Variants in RARB observed in about 807,000 individuals in gnomAD.
RARB encodes the protein retinoic acid receptor beta.
RARB carries 17 observed loss-of-function variants against 51.9 expected under a neutral mutation model. The ratio of observed to expected loss-of-function variants is 0.33; its 90% confidence interval spans 0.22 to 0.49. The LOEUF (loss-of-function observed/expected upper bound fraction) is 0.49. Among genes scored for constraint, RARB ranks in the 20% least tolerant of loss-of-function variants. RARB has a pLI of 0.99. For synonymous variants in RARB, 215 were observed against 195.4 expected (o/e 1.10, Z -0.84); for missense variants, 369 against 550.8 (o/e 0.67, Z 3.30).
intron 1 of RARB, among the ~76,000 whole-genome samples, chr3:25,450,259 T>A (rs1175980172): frequency 6.6e-6 from 1 of 152,250 alleles, no homozygotes; most frequent in Non-Finnish European, 1.5e-5. Context: ...GATACGGACT[T>A]AATCCACTTT....
intron 2 of RARB, among the ~76,000 whole-genome samples, chr3:25,497,573 C>T (rs1697106196): frequency 6.6e-6 from 1 of 152,188 alleles, no homozygotes; most frequent in Non-Finnish European, 1.5e-5. Flanking sequence ...AGAGGACCTT[C>T]CAAGTAAACT....
intron 3 of RARB, among the ~76,000 whole-genome samples, chr3:25,532,796 A>G (rs1698980799): frequency 1.3e-5 from 2 of 152,240 alleles, no homozygotes; most frequent in Admixed American, 1.3e-4. Context: ...AGAGTGGCTC[A>G]GACACCGAGC....
chr3:25,046,620 A>C (rs1485078141), intron 2 of RARB, among the ~76,000 whole-genome samples: 1 of 151,596 alleles, frequency 6.6e-6, no homozygotes, highest in Non-Finnish European at 1.5e-5. Context: ...TGCTCAGCTA[A>C]TTTTTGTATT....
At chr3:25,496,832 C>T (rs1023982614) in intron 2 of RARB, among the ~76,000 whole-genome samples, 7 of 152,132 alleles carry the variant, frequency 4.6e-5, no homozygotes, top group Non-Finnish European at 5.9e-5. Context: ...AGTACCATTA[C>T]GGTGTCAGCA....
intron 2 of RARB, among the ~76,000 whole-genome samples, chr3:25,493,728 C>T (rs1455770946): frequency 6.6e-6 from 1 of 152,134 alleles, no homozygotes; most frequent in Non-Finnish European, 1.5e-5. Flanking sequence ...CTTTCCACAC[C>T]ACTTTTTGGG....
chr3:25,233,779 T>A (rs1212021534), intron 5 of RARB, among the ~76,000 whole-genome samples: 2 of 150,728 alleles, frequency 1.3e-5, no homozygotes, highest in East Asian at 1.9e-4. Flanking sequence ...TTTTTTTTTT[T>A]AATCATGAAT....
intron 4 of RARB, among the ~76,000 whole-genome samples, chr3:25,156,320 C>T (rs1700373009): frequency 6.6e-6 from 1 of 152,080 alleles, no homozygotes; most frequent in South Asian, 2.1e-4. Context: ...CATTTCTATG[C>T]CAATGTGCTA....
chr3:24,979,896 T>C (rs1696605696), intron 2 of RARB, among the ~76,000 whole-genome samples: 1 of 152,228 alleles, frequency 6.6e-6, no homozygotes, highest in Non-Finnish European at 1.5e-5. Context: ...TGGCATGTTT[T>C]TGCAGTAGCT....
chr3:24,897,656 C>T (rs17015422), intron 2 of RARB, among the ~76,000 whole-genome samples: 2,465 of 151,992 alleles, frequency 0.016, 47 homozygotes, highest in East Asian at 0.1. Flanking sequence ...TTTTCTAGGC[C>T]TTCCATTCCT....
intron 2 of RARB, among the ~76,000 whole-genome samples, chr3:24,898,210 G>T (rs1388666267): frequency 1.3e-5 from 2 of 152,012 alleles, no homozygotes; most frequent in Non-Finnish European, 2.9e-5. Context: ...TTAGGGCATT[G>T]CTTTCTCTCA....
At position 24,957,522 on chromosome 3, in the gene RARB, A is replaced by G. The variant is rs548694858; in HGVS notation, c.-380+98770A>G. On this transcript the variant is annotated intron_variant, in intron 2 of 11. Coordinates refer to the RARB transcript ENST00000383772. ...CAAAGAAAAAGATCCAGTGTACACA[A>G]CCAGAATTGTGAAGAAGAAGAAAAG... is the stretch of plus-strand genomic sequence containing the variant. Among the ~76,000 whole-genome samples, 82 of 152,334 alleles carry G rather than the reference A, an allele frequency of 5.4e-4. 2 individuals are homozygous for G. The South Asian group carries it at 9.1e-3, about 17-fold the overall frequency.
intron 1 of RARB, among the ~76,000 whole-genome samples, chr3:25,434,647 T>G (rs1708355412): frequency 6.6e-6 from 1 of 151,680 alleles, no homozygotes; most frequent in African/African-American, 2.4e-5. Context: ...ATTCAAGTGA[T>G]TCTCCTGCCT....
rs35199932 is a variant in RARB, at chr3:25,556,007, A to ATT, written c.449-13741_449-13740dup. Among the ~76,000 whole-genome samples, 730 of 149,068 alleles carry ATT rather than the reference A, an allele frequency of 4.9e-3. 5 individuals carry two copies. Among genetic ancestry groups the ATT allele is most frequent in the African/African-American group, 0.012 (476 of 40,770 alleles). ...GTATGTTGTTTCTTGGACATCTTGT[A>ATT]TTTTTTTTTTTGACCCCTTAGCAGA... is the stretch of plus-strand genomic sequence containing the variant. On this transcript the variant is annotated intron_variant, in intron 3 of 7. Coordinates refer to ENST00000330688, the MANE Select transcript of RARB (RefSeq NM_000965.5).
At chr3:25,033,807 A>C (rs1292893010) in intron 2 of RARB, among the ~76,000 whole-genome samples, 1 of 152,190 alleles carries the variant, frequency 6.6e-6, no homozygotes, top group Non-Finnish European at 1.5e-5. Flanking sequence ...GGCACAGTAG[A>C]AAATACCGTA....
chr3:24,845,856 T>C (rs1338832018), intron 1 of RARB, among the ~76,000 whole-genome samples: 1 of 152,020 alleles, frequency 6.6e-6, no homozygotes, highest in East Asian at 1.9e-4. Flanking sequence ...TCTCACAAGG[T>C]TGTTGTGAGA....
At chr3:24,846,565 G>A (rs1219702609) in intron 1 of RARB, among the ~76,000 whole-genome samples, 1 of 152,164 alleles carries the variant, frequency 6.6e-6, no homozygotes, top group East Asian at 1.9e-4. Context: ...TTTCCTATGA[G>A]GTATGGCCAA....
At chr3:25,500,801 A>C (rs1248342305) in intron 2 of RARB, among the ~76,000 whole-genome samples, 3 of 152,026 alleles carry the variant, frequency 2.0e-5, no homozygotes, top group African/African-American at 7.3e-5. Flanking sequence ...TATTGGGTAA[A>C]AATCCTCATA....
chr3:25,572,945 C>T (rs1700764941), intron 4 of RARB, among the ~76,000 whole-genome samples: 1 of 152,134 alleles, frequency 6.6e-6, no homozygotes, highest in Non-Finnish European at 1.5e-5. Context: ...ATTTGCCGCT[C>T]CTGGAACATG....
intron 5 of RARB, among the ~76,000 whole-genome samples, chr3:25,195,997 AG>A (rs1449180512): frequency 6.6e-6 from 1 of 151,992 alleles, no homozygotes; most frequent in African/African-American, 2.4e-5. Context: ...CTCTGCTTCG[AG>A]TCATTTAAAA....
Sources: gnomAD v4.1 joint callset for allele counts (sites outside exome capture counted in the v4.1 genomes callset) on GRCh38, gnomAD v4.1.1 for gene constraint, MANE v1.5 for transcripts, NCBI Gene and HGNC (gene_info 2026-07-23, HGNC 2026-07-21) for gene names.